Variants in AOPEP observed in about 807,000 individuals in gnomAD.
AOPEP encodes aminopeptidase O (putative), also known as aminopeptidase O.
A neutral mutation model predicts 98.1 loss-of-function variants in AOPEP; 77 were observed. The observed-to-expected ratio is 0.78, with a 90% CI of 0.65 to 0.95. The LOEUF is 0.95. Among genes scored for constraint, AOPEP ranks in the 40% least tolerant of loss-of-function variants. The pLI is 0.00. For missense variants in AOPEP, 1,024 were observed against 1,024.7 expected, an observed-to-expected ratio of 1.00 and a Z score of 0.01; for synonymous variants, 346 against 365.3, an observed-to-expected ratio of 0.95 and a Z score of 0.60.
chr9:94,916,706 AAAAT>A lies in AOPEP; in HGVS notation c.1365-7279_1365-7276del, dbSNP rs1417773110. On this transcript the variant is annotated intron_variant, in intron 5 of 16. Coordinates refer to ENST00000375315, the MANE Select transcript of AOPEP (RefSeq NM_001193329.3). ...CGAGACTCCCTCTCAAAAAAAAAAAAAAATTAAATAAATAAATAAATAAATAAAT... is the reference window on the plus strand; with the variant it reads ...CGAGACTCCCTCTCAAAAAAAAAAAATAAATAAATAAATAAATAAATAAAT... 3.7e-3 allele frequency among the ~76,000 whole-genome samples: 534 copies of A among 145,784 alleles called. 2 individuals are homozygous for A. Among genetic ancestry groups the A allele is most frequent in the African/African-American group, 0.012 (503 of 40,768 alleles).
At chr9:94,865,279 C>A (rs944606191) in intron 5 of AOPEP, among the ~76,000 whole-genome samples, 4 of 152,168 alleles carry the variant, frequency 2.6e-5, no homozygotes, top group Non-Finnish European at 4.4e-5. Flanking sequence ...TTTGACCAAA[C>A]GACTCTCCTA....
the AOPEP span, among the ~76,000 whole-genome samples, chr9:95,092,265 G>T: frequency 1.3e-5 from 2 of 152,172 alleles, no homozygotes; most frequent in South Asian, 4.1e-4. Flanking sequence ...GGACTTAAAG[G>T]GGGTGGGCCC....
At chr9:94,900,393 C>T (rs547731090) in intron 5 of AOPEP, 2 of 152,226 alleles carry the variant, frequency 1.3e-5, no homozygotes, top group Non-Finnish European at 2.9e-5. Context: ...CTTCCCAGGT[C>T]GTCAAGTAAT....
intron 5 of AOPEP, among the ~76,000 whole-genome samples, chr9:94,813,137 T>C (rs538539191): frequency 6.6e-6 from 1 of 152,308 alleles, no homozygotes; most frequent in African/African-American, 2.4e-5. Context: ...GGGTGGGTTA[T>C]AGAGTCTGCT....
At chr9:95,111,374 G>A in the AOPEP span, 6 of 1,597,684 alleles carry the variant, frequency 3.8e-6, no homozygotes, top group Non-Finnish European at 5.1e-6. Context: ...TGTCATGGAA[G>A]CCAAGCCCAC....
rs1353872866 is a variant in AOPEP at position 94,923,987 on chromosome 9, C to CCA, written c.1371_1372dup (p.Ile458ThrfsTer10). The CCA allele has an allele frequency of 7.0e-7, 1 of 1,436,314 alleles. No individual in the cohort carries two copies. Among genetic ancestry groups the CCA allele is most frequent in the Admixed American group, 2.6e-5 (1 of 37,964 alleles). 89.0% of individuals were successfully genotyped at this position (1,436,314 alleles called of 1,614,324 possible). ...CATTTTCTCCCCCATTATCCACAGC[C>CCA]CACACATCATGTTCCTCTCTCAGAG... On this transcript the variant is annotated frameshift_variant and splice_region_variant, in exon 6 of 17. Coordinates refer to ENST00000375315, the MANE Select transcript of AOPEP (RefSeq NM_001193329.3). LOFTEE classifies it high-confidence loss of function.
At chr9:94,833,695 A>G (rs1054224516) in intron 5 of AOPEP, among the ~76,000 whole-genome samples, 1 of 152,238 alleles carries the variant, frequency 6.6e-6, no homozygotes, top group Non-Finnish European at 1.5e-5. Flanking sequence ...CCATGAGTTC[A>G]TAATAATAAA....
downstream of AOPEP, among the ~76,000 whole-genome samples, chr9:95,091,475 CTG>C (rs2070865932): frequency 6.6e-6 from 1 of 152,180 alleles, no homozygotes; most frequent in Admixed American, 6.5e-5. Context: ...CAGGCTCACT[CTG>C]TGCAGGGCCC....
At chr9:94,741,367 G>A (rs1662775637) in intron 1 of AOPEP, among the ~76,000 whole-genome samples, 1 of 151,942 alleles carries the variant, frequency 6.6e-6, no homozygotes, top group Non-Finnish European at 1.5e-5. Context: ...CCGCCTCCCA[G>A]GTTCACGCCA....
chr9:94,956,465 CTATT>C (rs2058465089), intron 9 of AOPEP, among the ~76,000 whole-genome samples: 1 of 152,168 alleles, frequency 6.6e-6, no homozygotes, highest in Non-Finnish European at 1.5e-5. Flanking sequence ...CATCATGGGG[CTATT>C]TGTTTCTTTT....
At chr9:95,093,830 C>T in the AOPEP span, among the ~76,000 whole-genome samples, 15 of 152,196 alleles carry the variant, frequency 9.9e-5, no homozygotes, top group Non-Finnish European at 2.1e-4. Context: ...GACACCCCAC[C>T]TTCTGGGGGC....
chr9:94,905,340 T>G (rs79529402), intron 5 of AOPEP, among the ~76,000 whole-genome samples: 2,317 of 152,312 alleles, frequency 0.015, 63 homozygotes, highest in African/African-American at 0.053. Context: ...TATGCTCCAC[T>G]TACATATCGT....
At chr9:94,836,553 T>G (rs1260604224) in intron 5 of AOPEP, among the ~76,000 whole-genome samples, 1 of 152,218 alleles carries the variant, frequency 6.6e-6, no homozygotes, top group Non-Finnish European at 1.5e-5. Context: ...TTGGGTTGTT[T>G]TCTTGCTGTT....
At chr9:94,727,672 C>A (rs999552100) in intron 1 of AOPEP, among the ~76,000 whole-genome samples, 4 of 152,144 alleles carry the variant, frequency 2.6e-5, no homozygotes, top group African/African-American at 9.7e-5. Context: ...TTTTAAAATA[C>A]TTTTAGTCTG....
At position 94,955,909 on chromosome 9, in the gene AOPEP, G is replaced by C. The variant is rs1380587234; in HGVS notation, c.1766G>C (p.Gly589Ala). The change falls in exon 9 of 17, where the codon GGC becomes GCC. Residue 589 changes from glycine to alanine, a missense_variant and splice_region_variant. Transcript: ENST00000375315. ...KIFMQVHYLK[G>A]YFLLRFLAKR... Reference sequence around the variant, plus strand: ...CTCTCTCTTTTTTCTTTCTTCTAGGGCTACTTCCTTCTTCGGTTTCTTGCC... The same window carrying C: ...CTCTCTCTTTTTTCTTTCTTCTAGGCCTACTTCCTTCTTCGGTTTCTTGCC... 1.2e-6 allele frequency: 2 copies of C among 1,607,356 alleles called. No homozygotes were observed. The highest frequency in any genetic ancestry group is 1.7e-6 in the Non-Finnish European group (2 of 1,176,216).
At chr9:95,074,959 T>C (rs970565110) in intron 14 of AOPEP, among the ~76,000 whole-genome samples, 1 of 152,168 alleles carries the variant, frequency 6.6e-6, no homozygotes, top group African/African-American at 2.4e-5. Flanking sequence ...GAGGTGTGGG[T>C]GCTGCAGGTG....
chr9:94,940,074 C>G (rs751183700), intron 7 of AOPEP, among the ~76,000 whole-genome samples: 2 of 152,202 alleles, frequency 1.3e-5, no homozygotes, highest in Non-Finnish European at 2.9e-5. Flanking sequence ...ACTTCTGGTT[C>G]CAAATATTTT....
chr9:94,984,859 G>A (rs2060419131), intron 11 of AOPEP, among the ~76,000 whole-genome samples: 1 of 152,228 alleles, frequency 6.6e-6, no homozygotes, highest in African/African-American at 2.4e-5. Flanking sequence ...GGTAAAGATA[G>A]AGCTGGTTAA....
At chr9:94,844,237 G>A (rs2042590435) in intron 5 of AOPEP, among the ~76,000 whole-genome samples, 3 of 152,044 alleles carry the variant, frequency 2.0e-5, no homozygotes, top group African/African-American at 7.2e-5. Context: ...TCTGCTTTTG[G>A]TAAAGATGGG....
Sources: gnomAD v4.1 joint callset for allele counts (sites outside exome capture counted in the v4.1 genomes callset) on GRCh38, gnomAD v4.1.1 for gene constraint, MANE v1.5 for transcripts, NCBI Gene and HGNC (gene_info 2026-07-23, HGNC 2026-07-21) for gene names.